ANKRD42: variants seen among roughly 807,000 people sequenced by gnomAD.
The protein encoded by ANKRD42 is ankyrin repeat domain 42.
ANKRD42 carries 43 observed loss-of-function variants against 51.5 expected under a neutral mutation model. The ratio of observed to expected loss-of-function variants is 0.83; its 90% CI spans 0.65 to 1.08. The LOEUF (loss-of-function observed/expected upper bound fraction) is 1.08. Ranked by LOEUF, ANKRD42 falls within the 50% of genes least tolerant of loss-of-function variation. ANKRD42 has a pLI of 0.00. For synonymous variants in ANKRD42, 203 were observed against 213.0 expected, an observed-to-expected ratio of 0.95 and a Z score of 0.41; for missense variants, 608 against 629.3, an observed-to-expected ratio of 0.97 and a Z score of 0.36.
chr11:83,216,525 C>T lies in ANKRD42; in HGVS notation c.586+5095C>T, dbSNP rs148715799. 7.1e-3 allele frequency among the ~76,000 whole-genome samples: 1,084 copies of T among 152,010 alleles called. 16 individuals carry two copies. Among genetic ancestry groups the T allele is most frequent in the African/African-American group, 0.023 (962 of 41,474 alleles). ...ATTTTTAGTAGAGACGGGGTTTCAC[C>T]GTGTTAGCCAGGATGGTCTCGATCT... On this transcript the variant is annotated intron_variant, in intron 5 of 10. Coordinates refer to ENST00000533342, the MANE Select transcript of ANKRD42 (RefSeq NM_001300975.2).
At chr11:83,205,960 C>G in intron 2 of ANKRD42, 98 bp from the exon 3 acceptor site, 1 of 950,690 alleles carries the variant, frequency 1.1e-6, no homozygotes, top group Non-Finnish European at 1.6e-6. Context: ...ATCTCTCATT[C>G]ACTACAGTCT....
chr11:83,248,107 C>G lies in ANKRD42; in HGVS notation c.1487C>G (p.Thr496Arg). The change falls in exon 11 of 11, where the codon ACA becomes AGA. Residue 496 changes from threonine (T) to arginine (R), a missense_variant. Thr to Arg is a moderately conservative substitution (Grantham distance 71). Transcript: ENST00000533342. Reference sequence around the variant, plus strand: ...GCTATGGTTGGTGTCCTTTTTAATACATTTATTTTTCTCAAGAAGTATATA... The same window carrying G: ...GCTATGGTTGGTGTCCTTTTTAATAGATTTATTTTTCTCAAGAAGTATATA... ...FVAMVGVLFN[T>R]FIFLKKYIQE... 6.4e-7 allele frequency: 1 copy of G among 1,551,918 alleles called. No homozygotes were observed. The highest frequency in any genetic ancestry group is 1.2e-5 in the South Asian group (1 of 84,446).
At chr11:83,218,258 G>A (rs1862602307) in intron 5 of ANKRD42, among the ~76,000 whole-genome samples, 1 of 152,118 alleles carries the variant, frequency 6.6e-6, no homozygotes, top group African/African-American at 2.4e-5. Flanking sequence ...AAATGCCTGT[G>A]GCTCTAATCT....
intron 7 of ANKRD42, among the ~76,000 whole-genome samples, chr11:83,235,001 T>C (rs1863184632): frequency 6.6e-6 from 1 of 152,192 alleles, no homozygotes; most frequent in Admixed American, 6.5e-5. Context: ...GTGGGTTCGC[T>C]TTTTAAAGCA....
downstream of ANKRD42, among the ~76,000 whole-genome samples, chr11:83,250,810 T>C (rs1429225606): frequency 6.6e-6 from 1 of 152,204 alleles, no homozygotes; most frequent in Non-Finnish European, 1.5e-5. Context: ...CCATGTTTTC[T>C]CCTTTAGATC....
chr11:83,230,843 C>T (rs957074034), intron 7 of ANKRD42, among the ~76,000 whole-genome samples: 10 of 152,172 alleles, frequency 6.6e-5, no homozygotes, highest in South Asian at 2.1e-4. Flanking sequence ...ACCTCGGCCT[C>T]CCAAAGTGCT....
At chr11:83,205,473 A>C (rs982126432) in intron 2 of ANKRD42, among the ~76,000 whole-genome samples, 1 of 152,256 alleles carries the variant, frequency 6.6e-6, no homozygotes, top group Non-Finnish European at 1.5e-5. Flanking sequence ...ACTTGAACAT[A>C]TAAAGACAGT....
At chr11:83,207,631 GTC>G (rs1862128395) in intron 3 of ANKRD42, among the ~76,000 whole-genome samples, 1 of 152,208 alleles carries the variant, frequency 6.6e-6, no homozygotes, top group Non-Finnish European at 1.5e-5. Context: ...TTGTGTGTTA[GTC>G]TCTCATGTAT....
At chr11:83,247,694 CTTG>C (rs1238016895) in intron 10 of ANKRD42, among the ~76,000 whole-genome samples, 3 of 151,852 alleles carry the variant, frequency 2.0e-5, no homozygotes, top group African/African-American at 7.3e-5. Context: ...ATTTATTTTC[CTTG>C]TTGTCTGCAT....
chr11:83,252,209 C>G (rs1319479635), downstream of ANKRD42, among the ~76,000 whole-genome samples: 1 of 152,104 alleles, frequency 6.6e-6, no homozygotes, highest in Non-Finnish European at 1.5e-5. Context: ...AACAAGATAC[C>G]AATATATACC....
intron 7 of ANKRD42, among the ~76,000 whole-genome samples, chr11:83,236,107 T>A (rs918544751): frequency 2.6e-5 from 4 of 152,234 alleles, no homozygotes; most frequent in Non-Finnish European, 5.9e-5. Context: ...AAACTACTTT[T>A]TACTAGCTGT....
At chr11:83,262,344 A>G (rs1863977770), downstream of ANKRD42, among the ~76,000 whole-genome samples, 2 of 152,192 alleles carry the variant, frequency 1.3e-5, no homozygotes, top group Admixed American at 1.3e-4. Flanking sequence ...AAATATACAT[A>G]TATCTGTGAG....
chr11:83,221,886 A>T lies in ANKRD42; in HGVS notation c.587-2969A>T, dbSNP rs578197809. On this transcript the variant is annotated intron_variant, in intron 5 of 10. Transcript: ENST00000533342. ...CCTTTGTCTCTGGCTGTCCTTAGGGATATATTTGTCTTCAGGCACTCCCAG... is the reference window on the plus strand; with the variant it reads ...CCTTTGTCTCTGGCTGTCCTTAGGGTTATATTTGTCTTCAGGCACTCCCAG... Among the ~76,000 whole-genome samples the T allele has an allele frequency of 4.6e-5, 7 of 152,142 alleles. 1 individual carries two copies. The South Asian group carries it at 1.5e-3, about 32-fold the overall frequency.
chr11:83,228,832 G>A (rs1473113822), intron 7 of ANKRD42, among the ~76,000 whole-genome samples: 3 of 152,080 alleles, frequency 2.0e-5, no homozygotes, highest in Admixed American at 6.6e-5. Context: ...CTGTGCCCTC[G>A]ATTTGGAGTA....
chr11:83,228,511 G>A (rs1188821153), intron 7 of ANKRD42, among the ~76,000 whole-genome samples: 2 of 152,048 alleles, frequency 1.3e-5, no homozygotes, highest in Non-Finnish European at 2.9e-5. Context: ...TTACAGGCGT[G>A]AGCCACCATG....
downstream of ANKRD42, among the ~76,000 whole-genome samples, chr11:83,251,137 C>T (rs373351228): frequency 2.6e-4 from 39 of 152,258 alleles, 1 homozygote; most frequent in East Asian, 7.3e-3. Context: ...CTACCCTATG[C>T]TTTCCCATCA....
chr11:83,230,173 T>C (rs945674554), intron 7 of ANKRD42, among the ~76,000 whole-genome samples: 1 of 152,158 alleles, frequency 6.6e-6, no homozygotes, highest in African/African-American at 2.4e-5. Flanking sequence ...CACTTCAGCC[T>C]CCTGAGTAGC....
chr11:83,211,509 A>G lies in ANKRD42; in HGVS notation c.586+79A>G. The G allele has an allele frequency of 4.0e-6, 6 of 1,506,756 alleles. No homozygotes were observed. The South Asian group carries it at 7.1e-5, about 18-fold the overall frequency. The allele number at this position is 1,506,756 out of a possible 1,614,324, so 93.3% of individuals were successfully genotyped here. On this transcript the variant is annotated intron_variant, in intron 5 of 10. Coordinates refer to ENST00000533342, the MANE Select transcript of ANKRD42 (RefSeq NM_001300975.2). ...GTTTGATCTTGTTTAAGAAATTTAA[A>G]CTGTTGGTTGAGCGTGGTGGCTTAC...
downstream of ANKRD42, among the ~76,000 whole-genome samples, chr11:83,258,007 C>T (rs958283453): frequency 2.6e-5 from 4 of 152,140 alleles, no homozygotes; most frequent in African/African-American, 9.7e-5. Context: ...TTACGTAAAA[C>T]CTTAGGGTCA....
Sources: allele counts gnomAD v4.1 joint callset (sites outside exome capture counted in the v4.1 genomes callset), GRCh38; gene constraint gnomAD v4.1.1; transcripts MANE v1.5; gene names NCBI Gene and HGNC (gene_info 2026-07-23, HGNC 2026-07-21).